CFAP251: variants seen among roughly 807,000 people sequenced by gnomAD.
The protein encoded by CFAP251 is cilia and flagella associated protein 251, also known as cilia- and flagella-associated protein 251.
A neutral mutation model predicts 126.7 loss-of-function variants in CFAP251; 93 were observed. The ratio of observed to expected loss-of-function variants is 0.73; its 90% CI spans 0.62 to 0.87. CFAP251 has a LOEUF of 0.87. CFAP251 is among the 40% of genes least tolerant of loss of function. CFAP251 has a pLI of 0.00. For synonymous variants in CFAP251, 503 were observed against 506.9 expected, an observed-to-expected ratio of 0.99 and a Z score of 0.10; for missense variants, 1,287 against 1,389.2, an observed-to-expected ratio of 0.93 and a Z score of 1.17.
chr12:121,959,226 C>G lies in CFAP251; in HGVS notation c.2133+132C>G, dbSNP rs550007511. The G allele has an allele frequency of 5.2e-4, 510 of 988,630 alleles. 1 individual carries two copies. The highest frequency in any genetic ancestry group is 6.8e-4 in the Non-Finnish European group (470 of 687,338). 61.2% of individuals were successfully genotyped at this position (988,630 alleles called of 1,614,324 possible). On this transcript the variant is annotated intron_variant, in intron 13 of 21. Transcript: ENST00000288912. ...CCGAGGTGGGAGGATCATTGGAGGA[C>G]AGGAATTCAAGACCAGCCTAGGAAA...
chr12:121,964,001 C>A (rs1010347282), intron 15 of CFAP251, among the ~76,000 whole-genome samples: 1 of 152,034 alleles, frequency 6.6e-6, no homozygotes, highest in Non-Finnish European at 1.5e-5. Flanking sequence ...TGATCCACCA[C>A]GACCACCACC....
At position 121,983,324 on chromosome 12, in the gene CFAP251, C is replaced by T. The variant is rs891152719; in HGVS notation, c.3006+7639C>T. ...CAGGAGGATTGCTTGATCCCAGGTG[C>T]TGTAGGCTGCAGCATGCTATGATCA... On this transcript the variant is annotated intron_variant, in intron 19 of 21. Coordinates refer to ENST00000288912, the MANE Select transcript of CFAP251 (RefSeq NM_144668.6). 2.2e-4 allele frequency among the ~76,000 whole-genome samples: 33 copies of T among 147,348 alleles called. 1 individual carries two copies. The highest frequency in any genetic ancestry group is 4.5e-5 in the Non-Finnish European group (3 of 66,362).
At chr12:121,956,362 G>A (rs1881727799) in intron 10 of CFAP251, among the ~76,000 whole-genome samples, 1 of 152,244 alleles carries the variant, frequency 6.6e-6, no homozygotes, top group African/African-American at 2.4e-5. Flanking sequence ...AGAACTAGCA[G>A]AGAGCATGGA....
chr12:121,942,368 A>G (rs2247139), intron 5 of CFAP251, among the ~76,000 whole-genome samples, 166 bp from the exon 6 acceptor site: 133,003 of 152,202 alleles, frequency 0.87, 58,235 homozygotes, highest in African/African-American at 0.93. Flanking sequence ...CATAGCATGC[A>G]TCAGTGCTTC....
At position 121,949,062 on chromosome 12, in the gene CFAP251, G is replaced by A. The variant is rs1354491304; in HGVS notation, c.1269+1G>A. 6.4e-6 allele frequency: 10 copies of A among 1,562,864 alleles called. No individual in the cohort carries two copies. Among genetic ancestry groups the A allele is most frequent in the South Asian group, 1.2e-5 (1 of 82,636 alleles). On this transcript the variant is annotated splice_donor_variant, in intron 8 of 21. Transcript: ENST00000288912. LOFTEE classifies it high-confidence loss of function. ...AACACGGGCAATATATTATGCATGG[G>A]TAAGCAGAAATATTTTGATTTGTTT... is the stretch of plus-strand genomic sequence containing the variant.
intron 19 of CFAP251, among the ~76,000 whole-genome samples, chr12:121,976,427 G>A (rs188866065): frequency 2.0e-5 from 3 of 152,222 alleles, no homozygotes; most frequent in Admixed American, 2.0e-4. Flanking sequence ...TCGCTGTCTA[G>A]TTGCTCTTAA....
Position 121,960,579 on chromosome 12 carries a change from C to A in CFAP251, c.2134-6C>A. 1 of 1,613,978 alleles carries A rather than the reference C, an allele frequency of 6.2e-7. No individual in the cohort carries two copies. The highest frequency in any genetic ancestry group is 1.1e-5 in the South Asian group (1 of 91,052). On this transcript the variant is annotated splice_region_variant and splice_polypyrimidine_tract_variant and intron_variant, in intron 13 of 21. Coordinates refer to ENST00000288912, the MANE Select transcript of CFAP251 (RefSeq NM_144668.6). ...GGATAACTCCTTCTCTTTTGCTCAT[C>A]TTCAGGATAGAAGTTTTACTGTGGC...
intron 20 of CFAP251, 88 bp downstream of exon 20, chr12:122,000,032 C>A: frequency 8.2e-7 from 1 of 1,212,978 alleles, no homozygotes; most frequent in Non-Finnish European, 1.2e-6. Context: ...CCCTGTGGAG[C>A]TCCATCTTTC....
At chr12:121,940,420 C>A (rs2135761185) in intron 5 of CFAP251, among the ~76,000 whole-genome samples, 1 of 152,244 alleles carries the variant, frequency 6.6e-6, no homozygotes, top group Middle Eastern at 3.4e-3. Flanking sequence ...TGACAGAGAA[C>A]CAGAGAAGTC....
intron 5 of CFAP251, among the ~76,000 whole-genome samples, chr12:121,937,554 G>A (rs10840632): frequency 0.32 from 48,774 of 152,070 alleles, 10,117 homozygotes; most frequent in Non-Finnish European, 0.47. Context: ...TCCTAGATGG[G>A]TTTTCTTTCT....
chr12:121,929,052 G>GAAAAAA, intron 3 of CFAP251, among the ~76,000 whole-genome samples: 1 of 152,198 alleles, frequency 6.6e-6, no homozygotes, highest in East Asian at 1.9e-4. Flanking sequence ...GCCGGGAGCA[G>GAAAAAA]TGGCTCATGC....
At chr12:121,967,391 G>T (rs565054317) in intron 16 of CFAP251, among the ~76,000 whole-genome samples, 1 of 152,324 alleles carries the variant, frequency 6.6e-6, no homozygotes, top group East Asian at 1.9e-4. Context: ...TACATTTAAT[G>T]AATAATCTGC....
chr12:121,971,705 C>T (rs906531696), intron 17 of CFAP251: 3 of 689,454 alleles, frequency 4.4e-6, no homozygotes, highest in Non-Finnish European at 5.3e-6. Flanking sequence ...CACACCTTAA[C>T]AAACATTCAT....
At chr12:121,947,786 T>C (rs1200471004) in intron 7 of CFAP251, 2 of 152,192 alleles carry the variant, frequency 1.3e-5, no homozygotes, top group Non-Finnish European at 2.9e-5. Context: ...TTTTCAGGCT[T>C]TGTGAAGTCT....
At chr12:121,919,743 G>A (rs750102460) in intron 1 of CFAP251, among the ~76,000 whole-genome samples, 37 of 152,084 alleles carry the variant, frequency 2.4e-4, no homozygotes, top group Admixed American at 5.2e-4. Flanking sequence ...TAGAATTGTT[G>A]CTAATATGTG....
chr12:121,923,505 C>T (rs1225587154), intron 2 of CFAP251, 117 bp from the exon 3 acceptor site: 27 of 1,345,806 alleles, frequency 2.0e-5, no homozygotes, highest in East Asian at 4.6e-5. Flanking sequence ...TTTTAAAAAA[C>T]ATTTCATAAT....
At chr12:121,951,221 A>G in intron 8 of CFAP251, 1 of 304,018 alleles carries the variant, frequency 3.3e-6, no homozygotes. Context: ...TTCTGCTTGA[A>G]GACACCTTAT....
At chr12:122,001,276 G>A (rs935421547) in intron 20 of CFAP251, among the ~76,000 whole-genome samples, 3 of 149,346 alleles carry the variant, frequency 2.0e-5, no homozygotes, top group African/African-American at 4.9e-5. Flanking sequence ...GGCTGGTCTC[G>A]AACTCCTGAC....
rs191722486 is a variant in CFAP251 at position 121,976,284 on chromosome 12, C to T, written c.3006+599C>T. Among the ~76,000 whole-genome samples, 401 of 152,272 alleles carry T rather than the reference C, an allele frequency of 2.6e-3. 1 individual carries two copies. Among genetic ancestry groups the T allele is most frequent in the African/African-American group, 9.4e-3 (391 of 41,558 alleles). ...TCGGCCTCCCAAAGTGCTGTCATTA[C>T]AGGCATGAGCGACCACTCCCGGCCA... On this transcript the variant is annotated intron_variant, in intron 19 of 21. Transcript: ENST00000288912.
Sources: gnomAD v4.1 joint callset for allele counts (sites outside exome capture counted in the v4.1 genomes callset) on GRCh38, gnomAD v4.1.1 for gene constraint, MANE v1.5 for transcripts, NCBI Gene and HGNC (gene_info 2026-07-23, HGNC 2026-07-21) for gene names.